Variants in HTR1F observed in about 807,000 individuals in gnomAD.
HTR1F encodes the protein 5-hydroxytryptamine (serotonin) receptor 1F, G protein-coupled.
A neutral mutation model predicts 24.0 loss-of-function variants in HTR1F; 17 were observed. The observed-to-expected ratio is 0.71, with a 90% confidence interval of 0.48 to 1.06. HTR1F has a LOEUF of 1.06. Ranked by LOEUF, HTR1F falls within the 50% of genes least tolerant of loss-of-function variation. The pLI is 0.00. For missense variants in HTR1F, 391 were observed against 427.8 expected, an observed-to-expected ratio of 0.91 and a Z score of 0.76; for synonymous variants, 186 against 156.8, an observed-to-expected ratio of 1.19 and a Z score of -1.39.
At chr3:87,949,106 A>G (rs1419095991) in intron 2 of HTR1F, among the ~76,000 whole-genome samples, 1 of 152,218 alleles carries the variant, frequency 6.6e-6, no homozygotes, top group Non-Finnish European at 1.5e-5. Flanking sequence ...TGAATTTGAC[A>G]AAGTGTGTAT....
chr3:87,908,660 C>T (rs1703716039), intron 2 of HTR1F, among the ~76,000 whole-genome samples: 1 of 151,964 alleles, frequency 6.6e-6, no homozygotes, highest in Non-Finnish European at 1.5e-5. Context: ...ACCCTACATT[C>T]TAATTTCAAT....
intron 2 of HTR1F, among the ~76,000 whole-genome samples, chr3:87,844,115 A>G (rs1704879323): frequency 6.6e-6 from 1 of 151,298 alleles, no homozygotes; most frequent in Non-Finnish European, 1.5e-5. Flanking sequence ...TGACTTCCAC[A>G]ATGGTTGAAC....
rs377272812 is a variant in HTR1F, at chr3:87,945,063, C to A, written c.-42-45645C>A. On this transcript the variant is annotated intron_variant, in intron 2 of 2. Transcript: ENST00000319595. ...TTTTACTATTTCTATCTTTTTCTCT[C>A]TCTCTTCTCTGTCTCTCTCTCTCCT... is the stretch of plus-strand genomic sequence containing the variant. Among the ~76,000 whole-genome samples, 15 of 152,132 alleles carry A rather than the reference C, an allele frequency of 9.9e-5. No homozygotes were observed. In the South Asian group the frequency reaches 2.7e-3, roughly 27 times the overall value.
intron 2 of HTR1F, among the ~76,000 whole-genome samples, chr3:87,917,641 C>T (rs1034654474): frequency 6.6e-6 from 1 of 151,758 alleles, no homozygotes; most frequent in African/African-American, 2.4e-5. Flanking sequence ...TGGAAAGATA[C>T]AACCTTCTTA....
intron 2 of HTR1F, among the ~76,000 whole-genome samples, chr3:87,870,450 A>G (rs555996227): frequency 6.6e-6 from 1 of 152,248 alleles, no homozygotes; most frequent in South Asian, 2.1e-4. Flanking sequence ...GCACCAAGCC[A>G]AGAACAACTG....
chr3:87,801,319 C>T (rs568572666), intron 1 of HTR1F, among the ~76,000 whole-genome samples: 209 of 152,284 alleles, frequency 1.4e-3, no homozygotes, highest in Non-Finnish European at 2.7e-3. Context: ...TAGTAGCACA[C>T]TTATAGTGAA....
At chr3:87,865,716 C>T (rs1310355770) in intron 2 of HTR1F, among the ~76,000 whole-genome samples, 1 of 151,952 alleles carries the variant, frequency 6.6e-6, no homozygotes, top group African/African-American at 2.4e-5. Context: ...ATAATATTCT[C>T]TAGTATAAAA....
intron 2 of HTR1F, among the ~76,000 whole-genome samples, chr3:87,919,172 T>C (rs888892954): frequency 1.3e-5 from 2 of 152,084 alleles, no homozygotes; most frequent in African/African-American, 2.4e-5. Flanking sequence ...GCTAGCCACA[T>C]GTAGGAGAAT....
At chr3:87,986,993 C>T (rs1318038582) in intron 2 of HTR1F, among the ~76,000 whole-genome samples, 2 of 151,924 alleles carry the variant, frequency 1.3e-5, no homozygotes, top group Non-Finnish European at 2.9e-5. Context: ...GTAATTCCAG[C>T]TACTTGGGAG....
At chr3:87,855,367 A>G (rs1285728621) in intron 2 of HTR1F, among the ~76,000 whole-genome samples, 3 of 152,066 alleles carry the variant, frequency 2.0e-5, no homozygotes, top group Non-Finnish European at 4.4e-5. Context: ...TCATGGATCA[A>G]GCTCTTCCTA....
At chr3:87,898,990 A>G (rs557085006) in intron 2 of HTR1F, among the ~76,000 whole-genome samples, 12 of 152,168 alleles carry the variant, frequency 7.9e-5, no homozygotes, top group Admixed American at 7.9e-4. Flanking sequence ...TGAAATTTTA[A>G]CAAGATTCTG....
At chr3:87,927,043 G>C (rs1415366183) in intron 2 of HTR1F, among the ~76,000 whole-genome samples, 1 of 152,018 alleles carries the variant, frequency 6.6e-6, no homozygotes, top group African/African-American at 2.4e-5. Context: ...AAAAATGACA[G>C]GGGAGTGGTG....
At chr3:87,852,035 CA>C (rs1353698895) in intron 2 of HTR1F, among the ~76,000 whole-genome samples, 20 of 150,700 alleles carry the variant, frequency 1.3e-4, no homozygotes, top group African/African-American at 4.9e-4. Context: ...CAAACATCCC[CA>C]CTAGCAATAA....
intron 2 of HTR1F, among the ~76,000 whole-genome samples, chr3:87,872,245 G>A (rs543079441): frequency 2.0e-5 from 3 of 152,150 alleles, no homozygotes; most frequent in Non-Finnish European, 4.4e-5. Flanking sequence ...AGTTATGTAT[G>A]AAGCAAAAAC....
chr3:87,987,199 G>A (rs1215693219), intron 2 of HTR1F, among the ~76,000 whole-genome samples: 3 of 152,034 alleles, frequency 2.0e-5, no homozygotes, highest in African/African-American at 7.2e-5. Flanking sequence ...AAATTATTCA[G>A]TTTTTTAAAT....
intron 2 of HTR1F, among the ~76,000 whole-genome samples, chr3:87,872,392 C>T (rs921839836): frequency 6.6e-6 from 1 of 151,940 alleles, no homozygotes; most frequent in African/African-American, 2.4e-5. Flanking sequence ...ACAAACTAAA[C>T]TCACAGTTAA....
At chr3:87,874,210 C>T (rs1286999373) in intron 2 of HTR1F, among the ~76,000 whole-genome samples, 1 of 151,964 alleles carries the variant, frequency 6.6e-6, no homozygotes, top group Non-Finnish European at 1.5e-5. Context: ...ATACCATGAT[C>T]TTTTATGTAG....
chr3:87,896,545 G>A (rs936143124), intron 2 of HTR1F, among the ~76,000 whole-genome samples: 7 of 152,122 alleles, frequency 4.6e-5, no homozygotes, highest in African/African-American at 1.4e-4. Flanking sequence ...AAAGCTCAGG[G>A]TATATGAGCA....
chr3:87,857,580 A>G (rs144402818), intron 2 of HTR1F, among the ~76,000 whole-genome samples: 1 of 152,250 alleles, frequency 6.6e-6, no homozygotes, highest in Admixed American at 6.5e-5. Flanking sequence ...AAGTCTTTTT[A>G]AAGACTTTTT....
Sources: allele counts gnomAD v4.1 joint callset (sites outside exome capture counted in the v4.1 genomes callset), GRCh38; gene constraint gnomAD v4.1.1; transcripts MANE v1.5; gene names NCBI Gene and HGNC (gene_info 2026-07-23, HGNC 2026-07-21).